The following ATL3 variants were observed in gnomAD, a reference collection of about 807,000 sequenced individuals.
The protein encoded by ATL3 is atlastin-3.
A neutral mutation model predicts 69.5 loss-of-function variants in ATL3; 49 were observed. The observed-to-expected ratio is 0.71, with a 90% confidence interval of 0.56 to 0.89. The LOEUF is 0.89. Among genes scored for constraint, ATL3 ranks in the 40% least tolerant of loss-of-function variants. ATL3 has a pLI of 0.00. For missense variants in ATL3, 606 were observed against 645.7 expected, an observed-to-expected ratio of 0.94 and a Z score of 0.67; for synonymous variants, 214 against 224.1, an observed-to-expected ratio of 0.95 and a Z score of 0.40.
chr11:63,632,746 GATT>G, intron 11 of ATL3: 2 of 1,076,022 alleles, frequency 1.9e-6, no homozygotes, highest in Non-Finnish European at 1.4e-6. Context: ...CTTTTGACTT[GATT>G]ATTGTCTCCT....
intron 8 of ATL3, among the ~76,000 whole-genome samples, chr11:63,637,255 A>C (rs1222111767): frequency 2.0e-5 from 3 of 150,846 alleles, no homozygotes; most frequent in Non-Finnish European, 3.0e-5. Flanking sequence ...CAGCCTGGGC[A>C]ACAGAGTGAG....
Position 63,640,580 on chromosome 11 carries a change from T to C in ATL3, c.850+2777A>G, listed in dbSNP as rs924066165. Among the ~76,000 whole-genome samples the C allele has an allele frequency of 4.0e-5, 6 of 148,846 alleles. No homozygotes were observed. In the Admixed American group the frequency reaches 4.0e-4, roughly 10 times the overall value. On this transcript the variant is annotated intron_variant, in intron 8 of 12. Coordinates refer to ENST00000398868, the MANE Select transcript of ATL3 (RefSeq NM_015459.5). ...TTCCAGTTATTCTCTATGATAATAA[T>C]GCTACCATAGTATCTTTTTTTTTTT... is the stretch of plus-strand genomic sequence containing the variant.
chr11:63,654,690 G>A (rs1026376188), intron 3 of ATL3, among the ~76,000 whole-genome samples: 1 of 148,064 alleles, frequency 6.8e-6, no homozygotes, highest in Non-Finnish European at 1.5e-5. Flanking sequence ...AAGCCACCAT[G>A]TCTGGCCTAT....
intron 3 of ATL3, among the ~76,000 whole-genome samples, chr11:63,657,208 CAAA>C (rs1254213240): frequency 6.7e-5 from 4 of 59,896 alleles, no homozygotes; most frequent in Admixed American, 1.9e-4. Context: ...GACTACATCT[CAAA>C]AAAAAAAAAA....
At chr11:63,661,250 G>C (rs1009529668) in intron 1 of ATL3, among the ~76,000 whole-genome samples, 2 of 151,100 alleles carry the variant, frequency 1.3e-5, no homozygotes, top group Non-Finnish European at 2.9e-5. Flanking sequence ...GGAAATGAAG[G>C]CTTATGAAGG....
chr11:63,638,335 G>GT (rs1482282656), intron 8 of ATL3, among the ~76,000 whole-genome samples: 3 of 152,200 alleles, frequency 2.0e-5, no homozygotes, highest in Non-Finnish European at 4.4e-5. Flanking sequence ...CCCTGTGACA[G>GT]TAAGTAGGAA....
intron 1 of ATL3, among the ~76,000 whole-genome samples, chr11:63,662,999 G>A (rs1207507258): frequency 2.0e-5 from 3 of 152,190 alleles, no homozygotes; most frequent in Non-Finnish European, 4.4e-5. Flanking sequence ...AAGGCTACAC[G>A]ATCATGGCAG....
intron 10 of ATL3, 62 bp from the exon 11 acceptor site, chr11:63,633,159 A>G (rs2134466363): frequency 7.3e-7 from 1 of 1,373,134 alleles, no homozygotes. Context: ...TCCACAAATA[A>G]CCTAACAAAA....
chr11:63,640,390 C>T (rs891077144), intron 8 of ATL3, among the ~76,000 whole-genome samples: 35 of 151,712 alleles, frequency 2.3e-4, no homozygotes, highest in Non-Finnish European at 4.1e-4. Flanking sequence ...GGGGCTCAAG[C>T]AATCCTCCTA....
chr11:63,636,143 G>T, intron 9 of ATL3, 64 bp downstream of exon 9: 1 of 1,559,038 alleles, frequency 6.4e-7, no homozygotes, highest in South Asian at 1.2e-5. Flanking sequence ...AATTCAAGTT[G>T]ATTTACGAGT....
rs1243930051 is a variant in ATL3, at chr11:63,659,051, T to C, written c.248A>G (p.Tyr83Cys). Residue 83 changes from tyrosine to cysteine, a missense_variant, in exon 2 of 13, where the codon TAC (tyrosine) becomes TGC (cysteine). Transcript: ENST00000398868. ...ATTCTATCTTACCTGAGAATATAAGTATCGTAGCATAAAATCCAGAATGAA... is the reference window on the plus strand; with the variant it reads ...ATTCTATCTTACCTGAGAATATAAGCATCGTAGCATAAAATCCAGAATGAA... ...KSFILDFMLRYLYSQKESGHS... is the reference protein window; with the variant it reads ...KSFILDFMLRCLYSQKESGHS... The C allele has an allele frequency of 5.0e-6, 8 of 1,614,132 alleles. No homozygotes were observed. The highest frequency in any genetic ancestry group is 6.8e-6 in the Non-Finnish European group (8 of 1,179,962).
upstream of ATL3, chr11:63,671,694 G>A: frequency 7.6e-7 from 1 of 1,315,204 alleles, no homozygotes. Flanking sequence ...GCGCTCACTG[G>A]GTCCCGGCCA....
At chr11:63,667,566 A>T (rs1940613718) in intron 1 of ATL3, among the ~76,000 whole-genome samples, 1 of 152,104 alleles carries the variant, frequency 6.6e-6, no homozygotes, top group African/African-American at 2.4e-5. Context: ...GTTTGAGACC[A>T]GCCTGACCGA....
At chr11:63,630,938 C>A in intron 12 of ATL3, 102 bp downstream of exon 12, 1 of 1,192,972 alleles carries the variant, frequency 8.4e-7, no homozygotes. Context: ...GCCACTGTCT[C>A]ATGTCTTCAC....
chr11:63,652,729 G>C (rs897601363), intron 3 of ATL3, among the ~76,000 whole-genome samples, 154 bp from the exon 4 acceptor site: 2 of 152,134 alleles, frequency 1.3e-5, no homozygotes, highest in South Asian at 4.1e-4. Flanking sequence ...CAACTATTTA[G>C]GTGCTTTGCT....
chr11:63,657,879 C>T (rs962341392), intron 3 of ATL3, among the ~76,000 whole-genome samples: 2 of 138,430 alleles, frequency 1.4e-5, no homozygotes, highest in South Asian at 2.2e-4. Context: ...TTTTTTGAGA[C>T]GGAGTCTCGT....
intron 4 of ATL3, among the ~76,000 whole-genome samples, chr11:63,652,195 T>A (rs576648160): frequency 6.6e-6 from 1 of 152,302 alleles, no homozygotes; most frequent in East Asian, 1.9e-4. Context: ...TAAAACAGTT[T>A]TCCTAAGCTC....
In ATL3 at chr11:63,651,804, T is replaced by C. The variant is rs549869311; in HGVS notation, c.561+132A>G. On this transcript the variant is annotated intron_variant, in intron 5 of 12. Transcript: ENST00000398868. ...ACCCCACCAATGGCTATACATAGTATAGAATTACTATGAACCAAAAACCTT... is the reference window on the plus strand; with the variant it reads ...ACCCCACCAATGGCTATACATAGTACAGAATTACTATGAACCAAAAACCTT... 11 of 1,284,230 alleles carry C rather than the reference T, an allele frequency of 8.6e-6. No homozygotes were observed. In the East Asian group the frequency reaches 2.0e-4, roughly 23 times the overall value. The allele number at this position is 1,284,230 out of a possible 1,614,324, so 79.6% of individuals were successfully genotyped here.
intron 1 of ATL3, among the ~76,000 whole-genome samples, chr11:63,668,022 C>G (rs1002432520): frequency 1.3e-5 from 2 of 152,154 alleles, no homozygotes; most frequent in South Asian, 2.1e-4. Context: ...TTAAGAACCA[C>G]TGAGTAGAGT....
Sources: allele counts gnomAD v4.1 joint callset (sites outside exome capture counted in the v4.1 genomes callset), GRCh38; gene constraint gnomAD v4.1.1; transcripts MANE v1.5; gene names NCBI Gene and HGNC (gene_info 2026-07-23, HGNC 2026-07-21).